NIN: variants seen among roughly 807,000 people sequenced by gnomAD.
NIN encodes the protein glycogen synthase kinase 3 beta-interacting protein.
Under a neutral mutation model 257.6 loss-of-function variants are expected in NIN, and 137 were observed. The ratio of observed to expected loss-of-function variants is 0.53; its 90% CI spans 0.46 to 0.61. NIN has a LOEUF of 0.61. Among genes scored for constraint, NIN ranks in the 20% least tolerant of loss-of-function variants. The pLI is 0.00. For missense variants in NIN, 2,439 were observed against 2,501.2 expected (o/e 0.98, Z 0.53); for synonymous variants, 918 against 919.8 (o/e 1.00, Z 0.04).
At chr14:50,780,401 G>A (rs1051186110) in intron 5 of NIN, among the ~76,000 whole-genome samples, 2 of 152,196 alleles carry the variant, frequency 1.3e-5, no homozygotes, top group Admixed American at 1.3e-4. Flanking sequence ...AAACTCGACA[G>A]GAAAGTCAGC....
At chr14:50,775,780 AAAC>A (rs1302603887) in intron 7 of NIN, among the ~76,000 whole-genome samples, 1 of 152,198 alleles carries the variant, frequency 6.6e-6, no homozygotes, top group East Asian at 1.9e-4. Context: ...TTTTTGGCAA[AAAC>A]AACCCAAGGT....
chr14:50,741,436 CTAAG>C, intron 25 of NIN, 142 bp downstream of exon 25: 3 of 679,366 alleles, frequency 4.4e-6, no homozygotes, highest in Non-Finnish European at 7.2e-6. Flanking sequence ...ACATTTTTAT[CTAAG>C]TGATGGTTAT....
chr14:50,780,821 GA>G (rs1360952222), intron 5 of NIN, among the ~76,000 whole-genome samples: 1 of 152,192 alleles, frequency 6.6e-6, no homozygotes, highest in African/African-American at 2.4e-5. Context: ...TGGCATCAAT[GA>G]AAAGTGAATT....
At chr14:50,737,204 C>G (rs889674797) in intron 27 of NIN, among the ~76,000 whole-genome samples, 1 of 152,148 alleles carries the variant, frequency 6.6e-6, no homozygotes, top group Non-Finnish European at 1.5e-5. Context: ...TGTTTCATCA[C>G]TCCTTCTGGG....
Position 50,722,692 on chromosome 14 carries a change from C to A in NIN, c.*771G>T, listed in dbSNP as rs1440110238. ...TCCAAAGTGGTTTGTTCAGTGCTTT[C>A]CCTATAGTTCAACTGCTTTAATTAT... On this transcript the variant is annotated 3_prime_UTR_variant, in exon 31 of 31. Coordinates refer to ENST00000530997, the MANE Select transcript of NIN (RefSeq NM_020921.4). 2 of 216,984 alleles carry A rather than the reference C, an allele frequency of 9.2e-6. No homozygotes were observed. The highest frequency in any genetic ancestry group is 1.2e-4 in the Admixed American group (2 of 17,238). 13.4% of individuals were successfully genotyped at this position (216,984 alleles called of 1,614,324 possible).
chr14:50,806,112 AAATAAC>A (rs2044315130), intron 4 of NIN: 1 of 152,238 alleles, frequency 6.6e-6, no homozygotes, highest in South Asian at 2.1e-4. Context: ...GAGATACATG[AAATAAC>A]AATGTGTCTT....
At chr14:50,783,773 AG>A (rs1481589312) in intron 5 of NIN, among the ~76,000 whole-genome samples, 12 of 152,154 alleles carry the variant, frequency 7.9e-5, no homozygotes, top group African/African-American at 2.4e-4. Context: ...TTAGAAGGCT[AG>A]GGGGATTAAA....
chr14:50,822,131 G>A (rs1407466810), intron 2 of NIN, 54 bp from the exon 3 acceptor site: 11 of 1,324,236 alleles, frequency 8.3e-6, no homozygotes, highest in Admixed American at 5.6e-5. Context: ...CAGTCCTACC[G>A]TGGTCACCAC....
At chr14:50,816,440 C>A (rs1016734476) in intron 3 of NIN, among the ~76,000 whole-genome samples, 13 of 152,304 alleles carry the variant, frequency 8.5e-5, no homozygotes, top group African/African-American at 3.1e-4. Context: ...CGTGCTCTAA[C>A]TGTATACTAT....
In NIN at chr14:50,758,115, A is replaced by T. The variant is rs1357092087; in HGVS notation, c.2915T>A (p.Leu972Gln). ...EQLASQRLERLEMEHDQERQE... is the reference protein window; with the variant it reads ...EQLASQRLERQEMEHDQERQE... ...CCTTTCCTGGTCATGTTCCATTTCT[A>T]GTCTTTCCAGCCGCTGGCTGGCCAG... is the stretch of plus-strand genomic sequence containing the variant. Residue 972 changes from leucine (L) to glutamine (Q), a missense_variant, in exon 18 of 31, where the codon CTA (leucine) becomes CAA (glutamine). Around this residue, in one of 3 missense-constraint regions of NIN, gnomAD observed 2,043 missense variants for 2,050.2 expected, o/e 1.00. Coordinates refer to ENST00000530997, the MANE Select transcript of NIN (RefSeq NM_020921.4). 1 of 1,613,940 alleles carries T rather than the reference A, an allele frequency of 6.2e-7. No individual in the cohort carries two copies. The highest frequency in any genetic ancestry group is 8.5e-7 in the Non-Finnish European group (1 of 1,180,028).
intron 3 of NIN, among the ~76,000 whole-genome samples, chr14:50,818,887 A>G (rs867545166): frequency 3.9e-3 from 260 of 66,338 alleles, no homozygotes; most frequent in Admixed American, 0.016. Context: ...ACTATTAAAC[A>G]TTAGGCCTCA....
intron 3 of NIN, among the ~76,000 whole-genome samples, chr14:50,814,837 T>C (rs997943288): frequency 2.0e-5 from 3 of 152,194 alleles, no homozygotes; most frequent in African/African-American, 7.2e-5. Context: ...TGGCTAGCCA[T>C]ATGCAGAAAA....
chr14:50,747,962 T>C (rs1184562893), intron 22 of NIN, 30 bp downstream of exon 22: 1 of 1,451,990 alleles, frequency 6.9e-7, no homozygotes. Context: ...TATTGTTCTG[T>C]GAACCCCCCT....
rs1404748929 is a variant in NIN, at chr14:50,723,203, T to A, written c.*260A>T. ...ACTGGTATTTTTTAGGTTCTTGAATTTTCATATGTCCACATTCTTGGTGGC... is the reference window on the plus strand; with the variant it reads ...ACTGGTATTTTTTAGGTTCTTGAATATTCATATGTCCACATTCTTGGTGGC... On this transcript the variant is annotated 3_prime_UTR_variant, in exon 31 of 31. Transcript: ENST00000530997. 3.0e-6 allele frequency: 1 copy of A among 334,482 alleles called. No homozygotes were observed. The highest frequency in any genetic ancestry group is 2.1e-5 in the African/African-American group (1 of 47,244). 20.7% of individuals were successfully genotyped at this position (334,482 alleles called of 1,614,324 possible). A position where few individuals can be genotyped will look rare whatever the true frequency, so the allele number is the denominator to read the frequency against.
chr14:50,720,477 T>A lies in NIN; in HGVS notation c.*2986A>T, dbSNP rs1374654804. 1.4e-5 allele frequency: 3 copies of A among 209,914 alleles called. No homozygotes were observed. Among genetic ancestry groups the A allele is most frequent in the East Asian group, 1.4e-4 (2 of 13,844 alleles). The allele number at this position is 209,914 out of a possible 1,614,324, so 13.0% of individuals were successfully genotyped here. A position where few individuals can be genotyped will look rare whatever the true frequency, so the allele number is the denominator to read the frequency against. On this transcript the variant is annotated 3_prime_UTR_variant, in exon 31 of 31. Coordinates refer to ENST00000530997, the MANE Select transcript of NIN (RefSeq NM_020921.4). ...AAACAGTTTCTCATAATATCTGCCC[T>A]GGGTAATAGTGCATTATTAAAATAC...
intron 17 of NIN, among the ~76,000 whole-genome samples, chr14:50,759,496 CTTTTT>C (rs35589008): frequency 3.5e-5 from 5 of 142,390 alleles, no homozygotes; most frequent in African/African-American, 1.3e-4. Flanking sequence ...GCGACTGGCA[CTTTTT>C]TTTTTTTTTT....
At chr14:50,734,082 CTTT>C (rs1371064170) in intron 28 of NIN, among the ~76,000 whole-genome samples, 2 of 143,600 alleles carry the variant, frequency 1.4e-5, no homozygotes, top group Admixed American at 1.4e-4. Flanking sequence ...TCTTTTTCTT[CTTT>C]ATTTTTTTTT....
Position 50,744,309 on chromosome 14 carries a change from G to C in NIN, c.5121C>G (p.Ser1707Arg). The change falls in exon 23 of 31, where the codon AGC (serine) becomes AGG (arginine). Residue 1707 changes from serine to arginine, a missense_variant. Coordinates refer to ENST00000530997, the MANE Select transcript of NIN (RefSeq NM_020921.4). ...DFQQKISSVL[S>R]YNEKLLKEKE... ...TTTCTTTCAGCAGTTTTTCGTTGTA[G>C]CTTAGAACACTAGAGATTTTTTGCT... is the stretch of plus-strand genomic sequence containing the variant. 1 of 1,614,050 alleles carries C rather than the reference G, an allele frequency of 6.2e-7. No homozygotes were observed. The highest frequency in any genetic ancestry group is 8.5e-7 in the Non-Finnish European group (1 of 1,179,964).
intron 16 of NIN, among the ~76,000 whole-genome samples, chr14:50,761,581 A>G (rs768371449): frequency 1.3e-5 from 2 of 152,214 alleles, no homozygotes; most frequent in Non-Finnish European, 2.9e-5. Context: ...TTCAAGTTCC[A>G]TGATTGCCAG....
Sources: gnomAD v4.1 joint callset for allele counts (sites outside exome capture counted in the v4.1 genomes callset) on GRCh38, gnomAD v4.1.1 for gene constraint, gnomAD v4.1.1 regional missense constraint, MANE v1.5 for transcripts, NCBI Gene and HGNC (gene_info 2026-07-23, HGNC 2026-07-21) for gene names.